GALNT5: variants seen among roughly 807,000 people sequenced by gnomAD.
The protein encoded by GALNT5 is polypeptide N-acetylgalactosaminyltransferase 5.
In GALNT5, 72 loss-of-function variants were observed where a neutral mutation model predicts 85.4. The observed-to-expected ratio is 0.84, with a 90% CI of 0.70 to 1.03. The LOEUF (loss-of-function observed/expected upper bound fraction) is 1.03. GALNT5 is among the 50% of genes least tolerant of loss of function. The pLI, the probability that GALNT5 is intolerant of heterozygous loss-of-function variation, is 0.00. For missense variants in GALNT5, 1,137 were observed against 1,135.5 expected, an observed-to-expected ratio of 1.00 and a Z score of -0.02; for synonymous variants, 404 against 397.0, an observed-to-expected ratio of 1.02 and a Z score of -0.21.
intron 1 of GALNT5, among the ~76,000 whole-genome samples, chr2:157,266,938 T>C (rs1682469470): frequency 1.3e-5 from 2 of 152,206 alleles, no homozygotes; most frequent in African/African-American, 2.4e-5. Context: ...ATTTCCTATA[T>C]AGCACTAAGC....
intron 1 of GALNT5, among the ~76,000 whole-genome samples, chr2:157,263,543 C>G (rs1682395669): frequency 6.6e-6 from 1 of 152,164 alleles, no homozygotes. Flanking sequence ...TTAACTGAAT[C>G]CTTGAACGTC....
At position 157,288,120 on chromosome 2, in the gene GALNT5, C is replaced by T. The variant is rs901378043; in HGVS notation, c.1741+1986C>T. Among the ~76,000 whole-genome samples, 5 of 152,316 alleles carry T rather than the reference C, an allele frequency of 3.3e-5. No individual in the cohort carries two copies. In the South Asian group the frequency reaches 8.3e-4, roughly 25 times the overall value. On this transcript the variant is annotated intron_variant, in intron 3 of 9. Transcript: ENST00000259056. ...CCCTGTAAGCCCTGCTTTTACAGGT[C>T]TCCACCAGCTTAAATTCAAGCATGT...
chr2:157,268,009 T>G (rs576177681), intron 1 of GALNT5, among the ~76,000 whole-genome samples: 6 of 152,120 alleles, frequency 3.9e-5, no homozygotes, highest in Non-Finnish European at 8.8e-5. Context: ...TGCTCAATTC[T>G]CCTCCTGATG....
intron 6 of GALNT5, 103 bp from the exon 7 acceptor site, chr2:157,300,573 T>C: frequency 1.2e-6 from 1 of 839,026 alleles, no homozygotes; most frequent in Non-Finnish European, 1.9e-6. Flanking sequence ...AGTTGAGTAT[T>C]ACTTCAGGTA....
At position 157,300,872 on chromosome 2, in the gene GALNT5, G is replaced by A. The variant is rs1242125644; in HGVS notation, c.2312G>A (p.Gly771Glu). ...CACGGAGACCACCTCATCGACCAAG[G>A]GCTAGATGTTGGCAACCTCACCCAG... is the stretch of plus-strand genomic sequence containing the variant. ...YGHGDHLIDQ[G>E]LDVGNLTQQR... Residue 771 changes from glycine to glutamate, a missense_variant, in exon 7 of 10, where the codon GGG (glycine) becomes GAG (glutamate). By Grantham distance (98) the Gly-to-Glu change is moderately conservative (BLOSUM62 -2). Coordinates refer to ENST00000259056, the MANE Select transcript of GALNT5 (RefSeq NM_014568.3). The A allele has an allele frequency of 6.2e-7, 1 of 1,613,958 alleles. No homozygotes were observed. The highest frequency in any genetic ancestry group is 1.3e-5 in the African/African-American group (1 of 75,036).
rs1682688783 is a variant in GALNT5 at position 157,275,082 on chromosome 2, T to C, written c.1455-9200T>C. On this transcript the variant is annotated intron_variant, in intron 1 of 9. Coordinates refer to ENST00000259056, the MANE Select transcript of GALNT5 (RefSeq NM_014568.3). Reference sequence around the variant, plus strand: ...AGTTTTCCCAGCACCATTTATTAAATAGGGTCCTTTCTCCATTTCTTGTTT... The same window carrying C: ...AGTTTTCCCAGCACCATTTATTAAACAGGGTCCTTTCTCCATTTCTTGTTT... Among the ~76,000 whole-genome samples, 3 of 152,314 alleles carry C rather than the reference T, an allele frequency of 2.0e-5. No homozygotes were observed. The South Asian group carries it at 6.2e-4, about 32-fold the overall frequency.
intron 9 of GALNT5, among the ~76,000 whole-genome samples, chr2:157,310,196 A>G (rs1683540110): frequency 1.3e-5 from 2 of 152,300 alleles, no homozygotes; most frequent in South Asian, 2.1e-4. Context: ...CCTTGTTTGT[A>G]CCTATGACTT....
chr2:157,297,176 A>C (rs1045496190), intron 5 of GALNT5, among the ~76,000 whole-genome samples: 2 of 152,150 alleles, frequency 1.3e-5, no homozygotes, highest in Non-Finnish European at 2.9e-5. Context: ...TGACCACTTA[A>C]ACAGACACAA....
rs1006319788 is a variant in GALNT5, at chr2:157,317,190, ATATATATAT to A, written c.*5844_*5852del. On this transcript the variant is annotated 3_prime_UTR_variant, in exon 10 of 10. Coordinates refer to ENST00000259056, the MANE Select transcript of GALNT5 (RefSeq NM_014568.3). The stretch of plus-strand genomic sequence containing the variant: ...TATGTGTGTGTATATATATATATAT[ATATATATAT>A]TTTTTTTTTTGATGCTTTGATCTGG... Among the ~76,000 whole-genome samples the A allele has an allele frequency of 5.0e-5, 7 of 138,816 alleles. No individual in the cohort carries two copies. Among genetic ancestry groups the A allele is most frequent in the African/African-American group, 2.0e-4 (7 of 35,502 alleles). 91.1% of individuals were successfully genotyped at this position (138,816 alleles called of 152,430 possible).
chr2:157,268,000 G>C (rs1417049324), intron 1 of GALNT5, among the ~76,000 whole-genome samples: 1 of 152,230 alleles, frequency 6.6e-6, no homozygotes, highest in Non-Finnish European at 1.5e-5. Flanking sequence ...TCAGCTGTGT[G>C]CTCAATTCTC....
In GALNT5 at chr2:157,299,548, G is replaced by T. The variant is rs1207612675; in HGVS notation, c.1998G>T (p.Arg666Ser). ...KNRIKETDTI[R>S]CPVMAGGLFS... is the part of the protein sequence containing the mutation. ...AAAAAACAAACTTTTCTTTTTGTAG[G>T]TGCCCTGTCATGGCTGGTGGATTGT... Residue 666 changes from arginine (R) to serine (S), a missense_variant and splice_region_variant, in exon 6 of 10, where the codon AGG (arginine) becomes AGT (serine). By Grantham distance (110) the Arg-to-Ser change is moderately radical. Coordinates refer to ENST00000259056, the MANE Select transcript of GALNT5 (RefSeq NM_014568.3). 1 of 1,574,788 alleles carries T rather than the reference G, an allele frequency of 6.4e-7. No homozygotes were observed. The highest frequency in any genetic ancestry group is 2.2e-5 in the East Asian group (1 of 44,636).
At chr2:157,261,872 C>G (rs895765269) in intron 1 of GALNT5, among the ~76,000 whole-genome samples, 3 of 151,634 alleles carry the variant, frequency 2.0e-5, no homozygotes, top group African/African-American at 7.3e-5. Context: ...GCTCAAAAAG[C>G]GTTTGAGGTA....
chr2:157,269,264 T>C (rs1302483640), intron 1 of GALNT5, among the ~76,000 whole-genome samples: 1 of 152,148 alleles, frequency 6.6e-6, no homozygotes, highest in Non-Finnish European at 1.5e-5. Flanking sequence ...CCCGGAAACA[T>C]GTTTAATCTG....
At chr2:157,286,707 G>A (rs1182338138) in intron 3 of GALNT5, among the ~76,000 whole-genome samples, 1 of 152,074 alleles carries the variant, frequency 6.6e-6, no homozygotes, top group Non-Finnish European at 1.5e-5. Context: ...GTTTCACTGT[G>A]TTAGCCAGGA....
rs1683735415 is a variant in GALNT5, at chr2:157,317,246, T to C, written c.*5898T>C. ...CTGGAAGAAAGAAATATCAAGAGTTTCTATTCACAACATAAAGAAAATAAA... is the reference window on the plus strand; with the variant it reads ...CTGGAAGAAAGAAATATCAAGAGTTCCTATTCACAACATAAAGAAAATAAA... On this transcript the variant is annotated 3_prime_UTR_variant, in exon 10 of 10. Coordinates refer to ENST00000259056, the MANE Select transcript of GALNT5 (RefSeq NM_014568.3). Among the ~76,000 whole-genome samples, 3 of 150,194 alleles carry C rather than the reference T, an allele frequency of 2.0e-5. No individual in the cohort carries two copies. In the South Asian group the frequency reaches 6.3e-4, roughly 31 times the overall value.
rs1683628227 is a variant in GALNT5, at chr2:157,313,663, G to A, written c.*2315G>A. On this transcript the variant is annotated 3_prime_UTR_variant, in exon 10 of 10. Coordinates refer to ENST00000259056, the MANE Select transcript of GALNT5 (RefSeq NM_014568.3). ...TAGTTTCCACAAAGAAGTCAACTCT[G>A]TTCTGAAAAAAAATGAATTGCATTT... 1.3e-5 allele frequency: 2 copies of A among 151,716 alleles called. No individual in the cohort carries two copies. The highest frequency in any genetic ancestry group is 4.8e-5 in the African/African-American group (2 of 41,264). The allele number at this position is 151,716 out of a possible 1,614,324, so 9.4% of individuals were successfully genotyped here.
chr2:157,295,857 A>C, intron 4 of GALNT5, 59 bp downstream of exon 4: 1 of 1,333,148 alleles, frequency 7.5e-7, no homozygotes, highest in Non-Finnish European at 1.1e-6. Flanking sequence ...CAAGCAGCAG[A>C]AAGTGCTGAG....
rs148596716 is a variant in GALNT5 at position 157,258,335 on chromosome 2, G to A, written c.253G>A (p.Ala85Thr). The A allele has an allele frequency of 2.5e-6, 4 of 1,602,122 alleles. No homozygotes were observed. The African/African-American group carries it at 5.4e-5, about 22-fold the overall frequency. ...TCCCCTAAGGGGACATGGGAAAGGG[G>A]CATGGGGCAAAGAGAATGTTAGAAA... ...KPPLRGHGKG[A>T]WGKENVRKTE... Residue 85 changes from alanine (A) to threonine (T), a missense_variant, in exon 1 of 10, where the codon GCA becomes ACA. By Grantham distance (58) the Ala-to-Thr change is moderately conservative (BLOSUM62 0). Transcript: ENST00000259056.
In GALNT5 at chr2:157,315,031, T is replaced by G. The variant is rs1310097378; in HGVS notation, c.*3683T>G. Among the ~76,000 whole-genome samples the G allele has an allele frequency of 6.6e-6, 1 of 152,020 alleles. No homozygotes were observed. Among genetic ancestry groups the G allele is most frequent in the African/African-American group, 2.4e-5 (1 of 41,378 alleles). On this transcript the variant is annotated 3_prime_UTR_variant, in exon 10 of 10. Coordinates refer to ENST00000259056, the MANE Select transcript of GALNT5 (RefSeq NM_014568.3). ...AGGTGGAGGTTGCAGTGAGCTGAAA[T>G]TGCGCCACTGCACTCCAGCCTAGAC...
Sources: gnomAD v4.1 joint callset for allele counts (sites outside exome capture counted in the v4.1 genomes callset) on GRCh38, gnomAD v4.1.1 for gene constraint, MANE v1.5 for transcripts, NCBI Gene and HGNC (gene_info 2026-07-23, HGNC 2026-07-21) for gene names.